NALCN: variants seen among roughly 807,000 people sequenced by gnomAD.
NALCN encodes sodium leak channel NALCN.
A neutral mutation model predicts 225.3 loss-of-function variants in NALCN; 111 were observed. That is an observed-to-expected ratio of 0.49 (90% CI 0.42 to 0.58). The LOEUF (loss-of-function observed/expected upper bound fraction) is 0.58, where lower values mean the gene tolerates loss of function less well. Among genes scored for constraint, NALCN ranks in the 20% least tolerant of loss-of-function variants. NALCN has a pLI of 0.00. For synonymous variants in NALCN, 764 were observed against 769.0 expected (o/e 0.99, Z 0.11); for missense variants, 1,378 against 2,202.4 (o/e 0.63, Z 7.49).
chr13:101,346,087 C>CTCTCTATATATATATATATATATA, intron 6 of NALCN, among the ~76,000 whole-genome samples: 55 of 70,932 alleles, frequency 7.8e-4, no homozygotes, highest in Non-Finnish European at 1.2e-3. Flanking sequence ...CTCTCTCTCT[C>CTCTCTATATATATATATATATATA]TATATATATA....
intron 27 of NALCN, among the ~76,000 whole-genome samples, chr13:101,099,004 A>G (rs1281650634): frequency 6.7e-6 from 1 of 148,906 alleles, no homozygotes; most frequent in Non-Finnish European, 1.5e-5. Flanking sequence ...GGCTGCTGTC[A>G]CCATCAATCT....
At chr13:101,171,290 A>G (rs2038702529) in intron 15 of NALCN, among the ~76,000 whole-genome samples, 1 of 148,896 alleles carries the variant, frequency 6.7e-6, no homozygotes, top group African/African-American at 2.4e-5. Flanking sequence ...ATTTATAAAT[A>G]TAATCTTTAT....
intron 17 of NALCN, among the ~76,000 whole-genome samples, chr13:101,126,496 ATT>A (rs35175845): frequency 4.4e-4 from 63 of 144,746 alleles, no homozygotes; most frequent in South Asian, 2.9e-3. Flanking sequence ...TTTTGGCATA[ATT>A]TTTTTTTTTT....
chr13:101,061,979 G>A lies in NALCN; in HGVS notation c.4744C>T (p.Arg1582Cys), dbSNP rs1451079733. Residue 1582 changes from arginine to cysteine, a missense_variant, in exon 41 of 44, where the codon CGC (arginine) becomes TGC (cysteine). This residue lies in a region of NALCN where 94 missense variants were observed against 170.3 expected (regional missense o/e 0.55). Transcript: ENST00000251127. ...TGCAGTTCACTCACAGCTCTGATGCGCTTCAGGCACTTCTTGAGCCACATG... is the reference window on the plus strand; with the variant it reads ...TGCAGTTCACTCACAGCTCTGATGCACTTCAGGCACTTCTTGAGCCACATG... ...IRMWLKKCLKRIRAKQQQSCS... is the reference protein window; with the variant it reads ...IRMWLKKCLKCIRAKQQQSCS... 13 of 1,613,782 alleles carry A rather than the reference G, an allele frequency of 8.1e-6. No homozygotes were observed. The highest frequency in any genetic ancestry group is 2.2e-5 in the East Asian group (1 of 44,878).
chr13:101,146,310 G>A (rs575902320), intron 15 of NALCN, among the ~76,000 whole-genome samples: 2 of 152,316 alleles, frequency 1.3e-5, no homozygotes, highest in Admixed American at 6.5e-5. Context: ...AGTCACTGCT[G>A]TTCGTTGCCT....
intron 10 of NALCN, among the ~76,000 whole-genome samples, chr13:101,276,854 A>G (rs139945282): frequency 6.6e-5 from 10 of 152,292 alleles, no homozygotes; most frequent in African/African-American, 2.4e-4. Flanking sequence ...ATGTATGTGC[A>G]CATGTGGGAA....
chr13:101,124,059 T>C (rs1036980943), intron 18 of NALCN, among the ~76,000 whole-genome samples: 2 of 152,248 alleles, frequency 1.3e-5, no homozygotes, highest in African/African-American at 4.8e-5. Flanking sequence ...TACTCCATAA[T>C]ATAACATATA....
chr13:101,372,233 A>T (rs2139404253), intron 6 of NALCN, among the ~76,000 whole-genome samples: 1 of 152,306 alleles, frequency 6.6e-6, no homozygotes, highest in African/African-American at 2.4e-5. Context: ...GAGATTGAAA[A>T]TTTCTGTCAT....
In NALCN at chr13:101,144,650, T is replaced by C. The variant is rs892115332; in HGVS notation, c.1976+110A>G. 10 of 1,080,398 alleles carry C rather than the reference T, an allele frequency of 9.3e-6. No individual in the cohort carries two copies. In the African/African-American group the frequency reaches 1.3e-4, roughly 14 times the overall value. 66.9% of individuals were successfully genotyped at this position (1,080,398 alleles called of 1,614,324 possible). On this transcript the variant is annotated intron_variant, in intron 16 of 43. Transcript: ENST00000251127. ...AGGTAGTAGAAAGATGACAATAAAA[T>C]AGAAAGAAACCCAACCCACATATAC... is the stretch of plus-strand genomic sequence containing the variant.
At chr13:101,212,709 T>C (rs1469611772) in intron 13 of NALCN, among the ~76,000 whole-genome samples, 6 of 152,046 alleles carry the variant, frequency 3.9e-5, no homozygotes, top group Admixed American at 6.6e-5. Flanking sequence ...GAGGACACAA[T>C]ATCCTCAATG....
chr13:101,146,602 C>G lies in NALCN; in HGVS notation c.1840-1706G>C, dbSNP rs1469733200. Among the ~76,000 whole-genome samples the G allele has an allele frequency of 2.7e-5, 4 of 148,604 alleles. No homozygotes were observed. The East Asian group carries it at 7.8e-4, about 29-fold the overall frequency. ...AGCAGAAGTAGAAAAAGCAGTTAAT[C>G]TATTAGATCAGATCAGAGTGTAAGG... On this transcript the variant is annotated intron_variant, in intron 15 of 43. Transcript: ENST00000251127.
At chr13:101,238,122 A>G (rs1292615036) in intron 11 of NALCN, among the ~76,000 whole-genome samples, 200 bp from the exon 12 acceptor site, 1 of 151,956 alleles carries the variant, frequency 6.6e-6, no homozygotes, top group Non-Finnish European at 1.5e-5. Context: ...AATCTTAAAC[A>G]ATTATAAAAA....
chr13:101,286,919 T>C (rs940541170), intron 9 of NALCN, among the ~76,000 whole-genome samples: 21 of 151,102 alleles, frequency 1.4e-4, no homozygotes, highest in African/African-American at 4.1e-4. Context: ...CAGACAAACA[T>C]AGGATCTTTT....
Position 101,107,492 on chromosome 13 carries a change from G to A in NALCN, c.2574C>T (p.Phe858=). ...CTGAAATGAAGTGTACTTACGCGTTGAAGCGTGCTCGGACCACCACCCGGC... is the reference window on the plus strand; with the variant it reads ...CTGAAATGAAGTGTACTTACGCGTTAAAGCGTGCTCGGACCACCACCCGGC... ...NFCRVVVRAR[F]NASKTDPVTG... Residue 858 remains phenylalanine, a synonymous_variant, in exon 22 of 44, where the codon TTC becomes TTT. Coordinates refer to ENST00000251127, the MANE Select transcript of NALCN (RefSeq NM_052867.4). 4 of 1,614,094 alleles carry A rather than the reference G, an allele frequency of 2.5e-6. No individual in the cohort carries two copies. Among genetic ancestry groups the A allele is most frequent in the Middle Eastern group, 1.7e-4 (1 of 6,052 alleles).
intron 1 of NALCN, among the ~76,000 whole-genome samples, chr13:101,412,786 A>G (rs2047828068): frequency 6.6e-6 from 1 of 152,220 alleles, no homozygotes; most frequent in Admixed American, 6.5e-5. Flanking sequence ...CTGTGGGGGT[A>G]CAGATTTCTC....
At chr13:101,095,363 A>C (rs2034445826) in intron 28 of NALCN, among the ~76,000 whole-genome samples, 1 of 152,186 alleles carries the variant, frequency 6.6e-6, no homozygotes, top group Non-Finnish European at 1.5e-5. Context: ...AGTTTCATGA[A>C]GCTATATAGA....
At chr13:101,404,863 C>T (rs4772380) in intron 1 of NALCN, among the ~76,000 whole-genome samples, 93,369 of 151,930 alleles carry the variant, frequency 0.61, 29,747 homozygotes, top group East Asian at 0.82. Flanking sequence ...ATAGCTCATT[C>T]ACATGCTTAT....
intron 40 of NALCN, among the ~76,000 whole-genome samples, chr13:101,062,965 C>A (rs1359150175): frequency 1.3e-5 from 2 of 152,206 alleles, no homozygotes; most frequent in Non-Finnish European, 2.9e-5. Context: ...CCCATTTAAC[C>A]CTTGACACAC....
At chr13:101,335,389 T>C (rs1380064860) in intron 7 of NALCN, among the ~76,000 whole-genome samples, 1 of 152,032 alleles carries the variant, frequency 6.6e-6, no homozygotes, top group Non-Finnish European at 1.5e-5. Context: ...CAAGCACACA[T>C]TTCATGTAAC....
Sources: allele counts gnomAD v4.1 joint callset (sites outside exome capture counted in the v4.1 genomes callset), GRCh38; gene constraint gnomAD v4.1.1; regional missense constraint gnomAD v4.1.1; transcripts MANE v1.5; gene names NCBI Gene and HGNC (gene_info 2026-07-23, HGNC 2026-07-21).